TMEM150C: variants seen among roughly 807,000 people sequenced by gnomAD.
The protein encoded by TMEM150C is transmembrane protein 150C.
In TMEM150C, 10 loss-of-function variants were observed where a neutral mutation model predicts 29.9. The ratio of observed to expected loss-of-function variants is 0.33; its 90% CI spans 0.21 to 0.57. The LOEUF is 0.57. Ranked by LOEUF, TMEM150C falls within the 20% of genes least tolerant of loss-of-function variation. The pLI, the probability that TMEM150C is intolerant of heterozygous loss-of-function variation, is 0.88. For missense variants in TMEM150C, 251 were observed against 303.6 expected, an observed-to-expected ratio of 0.83 and a Z score of 1.29; for synonymous variants, 101 against 112.5, an observed-to-expected ratio of 0.90 and a Z score of 0.64.
intron 7 of TMEM150C, among the ~76,000 whole-genome samples, chr4:82,489,715 A>C (rs11941959): frequency 0.042 from 6,373 of 152,154 alleles, 410 homozygotes; most frequent in African/African-American, 0.14. Context: ...TCACAAATGC[A>C]TTTTTTTAAG....
At chr4:82,536,423 GA>G (rs1227116555) in intron 1 of TMEM150C, among the ~76,000 whole-genome samples, 5 of 151,306 alleles carry the variant, frequency 3.3e-5, no homozygotes, top group Non-Finnish European at 7.4e-5. Context: ...TTTAAACGGG[GA>G]AAAAATGACC....
chr4:82,526,621 T>C (rs541810275), intron 1 of TMEM150C, among the ~76,000 whole-genome samples: 3 of 152,296 alleles, frequency 2.0e-5, no homozygotes, highest in African/African-American at 7.2e-5. Context: ...AGAGGTTTAA[T>C]ATCTTGCTCA....
chr4:82,496,273 TA>T, intron 5 of TMEM150C, 78 bp from the exon 6 acceptor site: 2 of 1,372,954 alleles, frequency 1.5e-6, no homozygotes, highest in South Asian at 1.4e-5. Context: ...CTATTATTAT[TA>T]TTTTTTTATG....
intron 1 of TMEM150C, among the ~76,000 whole-genome samples, chr4:82,515,709 C>G (rs1486224311): frequency 1.3e-5 from 2 of 151,460 alleles, no homozygotes; most frequent in African/African-American, 4.9e-5. Context: ...TGCATTTCTG[C>G]CTGGGCGACA....
chr4:82,549,767 T>C (rs909739066), intron 1 of TMEM150C, among the ~76,000 whole-genome samples: 2 of 152,234 alleles, frequency 1.3e-5, no homozygotes, highest in Non-Finnish European at 2.9e-5. Context: ...GAGGACTGTA[T>C]AGTATTCTAT....
chr4:82,559,533 C>T (rs535516624), intron 1 of TMEM150C, among the ~76,000 whole-genome samples: 3 of 152,172 alleles, frequency 2.0e-5, no homozygotes, highest in East Asian at 1.9e-4. Flanking sequence ...CCAGCCTGGG[C>T]GAGAGAGTGA....
chr4:82,487,825 C>T (rs1340780596), intron 7 of TMEM150C, among the ~76,000 whole-genome samples: 2 of 152,306 alleles, frequency 1.3e-5, no homozygotes, highest in Middle Eastern at 3.4e-3. Flanking sequence ...CTTTCCCCCC[C>T]TCATCTTAGG....
intron 1 of TMEM150C, among the ~76,000 whole-genome samples, chr4:82,544,058 G>A (rs957161795): frequency 8.5e-5 from 13 of 152,094 alleles, no homozygotes; most frequent in African/African-American, 2.2e-4. Flanking sequence ...ACGAACGATC[G>A]GATATTAACT....
intron 1 of TMEM150C, among the ~76,000 whole-genome samples, chr4:82,520,719 C>CA (rs962465338): frequency 9.9e-5 from 15 of 151,960 alleles, no homozygotes; most frequent in African/African-American, 3.6e-4. Context: ...TCCATGTGTA[C>CA]AAAAAAATTA....
At chr4:82,541,605 A>C (rs956831081) in intron 1 of TMEM150C, among the ~76,000 whole-genome samples, 2 of 152,238 alleles carry the variant, frequency 1.3e-5, no homozygotes, top group African/African-American at 2.4e-5. Context: ...TGAAATGTAC[A>C]GATCAGACTA....
chr4:82,487,305 C>T (rs2868378), intron 7 of TMEM150C, among the ~76,000 whole-genome samples: 42,750 of 151,842 alleles, frequency 0.28, 6,286 homozygotes, highest in African/African-American at 0.34. Flanking sequence ...AAAAATTAGC[C>T]GGGTGTTTTG....
chr4:82,533,657 T>A (rs1299149337), intron 1 of TMEM150C, among the ~76,000 whole-genome samples: 2 of 152,226 alleles, frequency 1.3e-5, no homozygotes, highest in Non-Finnish European at 2.9e-5. Flanking sequence ...CTTTTCAATA[T>A]ATGGATTGTC....
At chr4:82,509,786 C>A (rs1476561281) in intron 1 of TMEM150C, 2 of 151,940 alleles carry the variant, frequency 1.3e-5, no homozygotes, top group Admixed American at 6.6e-5. Context: ...CAGAGTGAGA[C>A]TCTTTCTCAA....
At chr4:82,529,148 C>A (rs528655501) in intron 1 of TMEM150C, among the ~76,000 whole-genome samples, 1 of 152,140 alleles carries the variant, frequency 6.6e-6, no homozygotes, top group South Asian at 2.1e-4. Flanking sequence ...GAAGCACCAG[C>A]AGTGGGAGGA....
At chr4:82,548,460 A>C (rs1276940925) in intron 1 of TMEM150C, among the ~76,000 whole-genome samples, 1 of 152,202 alleles carries the variant, frequency 6.6e-6, no homozygotes, top group African/African-American at 2.4e-5. Context: ...TGCAAGGGGC[A>C]GCAGGGTGTT....
chr4:82,486,433 T>C (rs1472862992), intron 7 of TMEM150C, among the ~76,000 whole-genome samples: 5 of 147,044 alleles, frequency 3.4e-5, no homozygotes, highest in Admixed American at 3.4e-4. Context: ...TTTGAACATA[T>C]CAAATTACTA....
intron 1 of TMEM150C, among the ~76,000 whole-genome samples, chr4:82,511,520 G>C (rs1724126858): frequency 7.6e-6 from 1 of 131,602 alleles, no homozygotes; most frequent in Non-Finnish European, 1.5e-5. Context: ...TGTCACTCAG[G>C]CTGGAGTGCA....
At chr4:82,518,265 G>T (rs1724360549) in intron 1 of TMEM150C, among the ~76,000 whole-genome samples, 1 of 151,712 alleles carries the variant, frequency 6.6e-6, no homozygotes, top group East Asian at 1.9e-4. Flanking sequence ...GAAGTGAGCC[G>T]AGATCAAGCA....
intron 1 of TMEM150C, among the ~76,000 whole-genome samples, chr4:82,533,348 C>T (rs1162134612): frequency 6.6e-6 from 1 of 152,120 alleles, no homozygotes; most frequent in Admixed American, 6.5e-5. Flanking sequence ...CAATTATGCT[C>T]AAATATGGAA....
Sources: gnomAD v4.1 joint callset for allele counts (sites outside exome capture counted in the v4.1 genomes callset) on GRCh38, gnomAD v4.1.1 for gene constraint, MANE v1.5 for transcripts, NCBI Gene and HGNC (gene_info 2026-07-23, HGNC 2026-07-21) for gene names.